Variants in SLC60A1 observed in about 807,000 individuals in gnomAD.
SLC60A1 encodes major facilitator superfamily domain containing 4.
At chr1:205,583,879 C>A in the SLC60A1 span, 1 of 1,507,922 alleles carries the variant, frequency 6.6e-7, no homozygotes, top group Non-Finnish European at 8.9e-7. Flanking sequence ...TATGCACATG[C>A]AGTGTGTGCA....
At chr1:205,587,012 A>C in the SLC60A1 span, among the ~76,000 whole-genome samples, 1 of 152,106 alleles carries the variant, frequency 6.6e-6, no homozygotes, top group Admixed American at 6.5e-5. Flanking sequence ...GTGATTCTTA[A>C]GTAGGCAGGA....
the SLC60A1 span, among the ~76,000 whole-genome samples, chr1:205,586,700 T>TC: frequency 1.1e-5 from 1 of 89,342 alleles, no homozygotes; most frequent in South Asian, 3.4e-4. Context: ...TAGGTGACTC[T>TC]TTTTTTTTTT....
the SLC60A1 span, among the ~76,000 whole-genome samples, chr1:205,573,258 A>AT: frequency 1.3e-5 from 2 of 149,626 alleles, no homozygotes; most frequent in Non-Finnish European, 3.0e-5. Context: ...TAAAAAAAAA[A>AT]CAAAAACAAA....
chr1:205,574,488 C>T, the SLC60A1 span, among the ~76,000 whole-genome samples: 1 of 152,108 alleles, frequency 6.6e-6, no homozygotes, highest in East Asian at 1.9e-4. Context: ...TCCATTAATT[C>T]ACTCATTCAA....
chr1:205,583,897 G>A, the SLC60A1 span: 10,516 of 1,575,694 alleles, frequency 6.7e-3, 51 homozygotes, highest in Non-Finnish European at 8.4e-3. Context: ...GCAGAGGCCA[G>A]GCGTGGGAAG....
the SLC60A1 span, among the ~76,000 whole-genome samples, chr1:205,581,963 G>A: frequency 5.0e-3 from 761 of 152,358 alleles, 4 homozygotes; most frequent in African/African-American, 0.017. The surrounding 1 kb of genome is among the most constrained non-coding windows in gnomAD (Gnocchi z 4.2). Context: ...CCGGCTGGAA[G>A]CCCTGACCCT....
At chr1:205,585,499 G>A in the SLC60A1 span, among the ~76,000 whole-genome samples, 1 of 152,102 alleles carries the variant, frequency 6.6e-6, no homozygotes, top group East Asian at 1.9e-4. This position sits in a 1 kb window ranked among gnomAD's most constrained non-coding sequence, Gnocchi z 4.2. Flanking sequence ...TTATATTAGG[G>A]CAGTCGTGAA....
At chr1:205,594,392 A>C in the SLC60A1 span, among the ~76,000 whole-genome samples, 2 of 152,240 alleles carry the variant, frequency 1.3e-5, no homozygotes, top group African/African-American at 4.8e-5. Flanking sequence ...GCAGTGGCTC[A>C]CGCCTGTAAT....
chr1:205,581,130 T>C, the SLC60A1 span, among the ~76,000 whole-genome samples: 1 of 152,226 alleles, frequency 6.6e-6, no homozygotes, highest in African/African-American at 2.4e-5. The surrounding 1 kb of genome is among the most constrained non-coding windows in gnomAD (Gnocchi z 4.2). Context: ...ATTGCAGTTC[T>C]CAAGGAGGGT....
chr1:205,576,892 A>G, the SLC60A1 span, among the ~76,000 whole-genome samples: 1 of 152,124 alleles, frequency 6.6e-6, no homozygotes, highest in Non-Finnish European at 1.5e-5. Flanking sequence ...CTCCAGGCCT[A>G]TCAAACTAAA....
the SLC60A1 span, among the ~76,000 whole-genome samples, chr1:205,593,438 G>A: frequency 1.1e-4 from 4 of 35,698 alleles, no homozygotes; most frequent in Admixed American, 2.2e-4. Context: ...TGGGCGACAG[G>A]GCGAGACTCT....
chr1:205,584,212 C>T, the SLC60A1 span: 4 of 1,015,076 alleles, frequency 3.9e-6, no homozygotes, highest in South Asian at 1.8e-5. Flanking sequence ...ACCTAGATCA[C>T]AGGTGATTTT....
the SLC60A1 span, chr1:205,586,333 G>A: frequency 1.7e-6 from 2 of 1,169,218 alleles, no homozygotes; most frequent in Non-Finnish European, 2.4e-6. Flanking sequence ...CAGGAGTAGA[G>A]GGAAGAGAGG....
chr1:205,571,964 G>C, the SLC60A1 span, among the ~76,000 whole-genome samples: 1 of 152,128 alleles, frequency 6.6e-6, no homozygotes, highest in African/African-American at 2.4e-5. Flanking sequence ...TGTCTTTCTC[G>C]TGGGTTCCTA....
the SLC60A1 span, among the ~76,000 whole-genome samples, chr1:205,578,949 T>A: frequency 6.6e-6 from 1 of 152,080 alleles, no homozygotes; most frequent in African/African-American, 2.4e-5. Context: ...TTGGGCAGAG[T>A]GTCCCAAAAA....
chr1:205,597,242 C>T, the SLC60A1 span, among the ~76,000 whole-genome samples: 1 of 152,094 alleles, frequency 6.6e-6, no homozygotes, highest in African/African-American at 2.4e-5. Context: ...GGTTTCAGAA[C>T]AAGGAAAGGA....
the SLC60A1 span, chr1:205,584,009 T>G: frequency 1.9e-6 from 3 of 1,613,896 alleles, no homozygotes; most frequent in Non-Finnish European, 2.5e-6. Flanking sequence ...GCTGCTGACC[T>G]GCTGTCCCCA....
chr1:205,599,044 G>A, the SLC60A1 span: 4 of 1,555,604 alleles, frequency 2.6e-6, no homozygotes, highest in Non-Finnish European at 3.5e-6. Context: ...TGAAAAACCA[G>A]CCAAGGATGG....
At chr1:205,600,409 C>G in the SLC60A1 span, 1 of 1,612,278 alleles carries the variant, frequency 6.2e-7, no homozygotes, top group Non-Finnish European at 8.5e-7. Flanking sequence ...TTTGTAGTTC[C>G]TACCCAAGAC....
Sources: gnomAD v4.1 joint callset for allele counts (sites outside exome capture counted in the v4.1 genomes callset) on GRCh38, gnomAD v4.1.1 for gene constraint, Gnocchi (gnomAD v3.1) non-coding constraint, MANE v1.5 for transcripts, NCBI Gene and HGNC (gene_info 2026-07-23, HGNC 2026-07-21) for gene names.